The following VWA5B1 variants were observed in gnomAD, a reference collection of about 807,000 sequenced individuals.
VWA5B1 encodes von Willebrand factor A domain containing 5B1.
A neutral mutation model predicts 118.2 loss-of-function variants in VWA5B1; 115 were observed. The observed-to-expected ratio is 0.97, with a 90% CI of 0.84 to 1.14. The LOEUF is 1.14. VWA5B1 is among the 50% of genes most tolerant of loss of function. The pLI is 0.00. For synonymous variants in VWA5B1, 682 were observed against 658.4 expected (o/e 1.04, Z -0.55); for missense variants, 1,596 against 1,603.8 (o/e 1.00, Z 0.08).
intron 1 of VWA5B1, among the ~76,000 whole-genome samples, chr1:20,297,602 A>C (rs2088430187): frequency 6.6e-6 from 1 of 152,354 alleles, no homozygotes; most frequent in East Asian, 1.9e-4. Context: ...GAATACTTAT[A>C]GGAAATAGGG....
At position 20,345,468 on chromosome 1, in the gene VWA5B1, G is replaced by A. The variant is rs11582960; in HGVS notation, c.2639G>A (p.Arg880His). ...TCTCCCTCCACAGGGTCCAACCGCC[G>A]CTACCAAGTGAGCGCCTTGCACACC... ...EGEIEQGSNR[R>H]YQVSALHTSK... The change falls in exon 17 of 22, where the codon CGC (arginine) becomes CAC (histidine). Residue 880 changes from arginine to histidine, a missense_variant. Arg to His is a conservative substitution (Grantham distance 29, BLOSUM62 0). Transcript: ENST00000289815. The A allele has an allele frequency of 0.33, 509,097 of 1,550,742 alleles. 84,741 individuals carry two copies. The highest frequency in any genetic ancestry group is 0.39 in the East Asian group (16,117 of 40,884).
chr1:20,328,005 T>C lies in VWA5B1; in HGVS notation c.1254+5T>C. On this transcript the variant is annotated splice_donor_5th_base_variant and intron_variant, in intron 9 of 21. Transcript: ENST00000289815. ...TCCAGCCAGACCTACAGTGAGGTAA[T>C]GAGGGGGCAAGGCTGGGACCAGGAG... 1 of 1,550,796 alleles carries C rather than the reference T, an allele frequency of 6.4e-7. No homozygotes were observed.
intron 1 of VWA5B1, among the ~76,000 whole-genome samples, chr1:20,298,006 T>TG (rs944647535): frequency 2.0e-5 from 3 of 149,210 alleles, no homozygotes; most frequent in African/African-American, 7.5e-5. Flanking sequence ...ATTTTTTTTT[T>TG]TTTTTTTTTT....
At chr1:20,334,357 A>G (rs1336500960) in intron 12 of VWA5B1, among the ~76,000 whole-genome samples, 2 of 152,180 alleles carry the variant, frequency 1.3e-5, no homozygotes, top group African/African-American at 4.8e-5. Flanking sequence ...CTCCCACTAG[A>G]AGGGACTGGA....
intron 10 of VWA5B1, among the ~76,000 whole-genome samples, chr1:20,330,587 C>T (rs2089520821): frequency 6.6e-6 from 1 of 152,240 alleles, no homozygotes; most frequent in South Asian, 2.1e-4. Context: ...ACCCATGCCT[C>T]TGCACACGAC....
intron 15 of VWA5B1, 91 bp downstream of exon 15, chr1:20,342,700 T>C: frequency 7.2e-7 from 1 of 1,391,124 alleles, no homozygotes. Context: ...AGAGGGCAGA[T>C]GCCTGGGTCT....
intron 1 of VWA5B1, among the ~76,000 whole-genome samples, chr1:20,291,709 G>C (rs1471795098): frequency 6.6e-6 from 1 of 152,100 alleles, no homozygotes; most frequent in African/African-American, 2.4e-5. Context: ...CCCGCAGCTT[G>C]TGACCATCCC....
At chr1:20,305,477 A>G (rs1308459807) in intron 1 of VWA5B1, among the ~76,000 whole-genome samples, 1 of 152,128 alleles carries the variant, frequency 6.6e-6, no homozygotes, top group Non-Finnish European at 1.5e-5. Flanking sequence ...AAGGCAAGCC[A>G]CAAGGATGGG....
At chr1:20,317,450 C>G in intron 4 of VWA5B1, 80 bp from the exon 5 acceptor site, 1 of 1,499,396 alleles carries the variant, frequency 6.7e-7, no homozygotes, top group Non-Finnish European at 8.9e-7. Flanking sequence ...TGGAACTCAT[C>G]GTCCTCTCCT....
At chr1:20,312,383 C>T (rs1027367058) in intron 2 of VWA5B1, among the ~76,000 whole-genome samples, 1 of 152,184 alleles carries the variant, frequency 6.6e-6, no homozygotes, top group African/African-American at 2.4e-5. Context: ...TGCCAGGAGG[C>T]CTAGAGAAGC....
rs540315429 is a variant in VWA5B1 at position 20,338,234 on chromosome 1, C to T, written c.2133+398C>T. ...AGCCAGTCAGAGGATTGTAACCTGT[C>T]TGACCTTTGAAGGACCCCCTGCCTT... On this transcript the variant is annotated intron_variant, in intron 14 of 21. Transcript: ENST00000289815. 2.6e-3 allele frequency: 976 copies of T among 374,292 alleles called. 3 individuals are homozygous for T. Among genetic ancestry groups the T allele is most frequent in the Non-Finnish European group, 4.2e-3 (793 of 190,546 alleles). 23.2% of individuals were successfully genotyped at this position (374,292 alleles called of 1,614,324 possible).
At chr1:20,326,901 T>A (rs1226872835) in intron 8 of VWA5B1, among the ~76,000 whole-genome samples, 10 of 152,212 alleles carry the variant, frequency 6.6e-5, no homozygotes, top group African/African-American at 2.4e-4. Flanking sequence ...AACCATTTGC[T>A]GAATGTTTAC....
intron 7 of VWA5B1, among the ~76,000 whole-genome samples, chr1:20,321,315 G>A (rs867168963): frequency 3.9e-5 from 6 of 152,156 alleles, no homozygotes; most frequent in African/African-American, 9.7e-5. Context: ...GGCCGGGCGC[G>A]GTGGCTTACC....
chr1:20,332,544 T>TAAAATAAAATAAA (rs2089598168), intron 11 of VWA5B1, among the ~76,000 whole-genome samples: 5 of 141,798 alleles, frequency 3.5e-5, no homozygotes, highest in Admixed American at 2.1e-4. Flanking sequence ...TAAAATAAAA[T>TAAAATAAAATAAA]AAAATGCTAA....
chr1:20,301,997 T>C (rs560641043), intron 1 of VWA5B1, among the ~76,000 whole-genome samples: 24 of 152,314 alleles, frequency 1.6e-4, no homozygotes, highest in Non-Finnish European at 2.9e-4. Flanking sequence ...TTTCACACGC[T>C]TAGCCCAGAT....
At chr1:20,299,967 G>A (rs1007548833) in intron 1 of VWA5B1, among the ~76,000 whole-genome samples, 1 of 152,216 alleles carries the variant, frequency 6.6e-6, no homozygotes, top group Non-Finnish European at 1.5e-5. Context: ...CAGCTGGCTG[G>A]CAGGTGCACT....
intron 14 of VWA5B1, among the ~76,000 whole-genome samples, chr1:20,339,499 G>C (rs965710789): frequency 6.6e-6 from 1 of 152,158 alleles, no homozygotes; most frequent in African/African-American, 2.4e-5. Context: ...CTGGGTTGAT[G>C]CCACTGCACT....
chr1:20,358,885 G>A lies in VWA5B1; in HGVS notation c.*4622G>A, dbSNP rs902681580. ...ATTTTGCAGCTGGGTAATCTGATCCGCAGAGATCTGTCCAAGGTCAGGGGC... is the reference window on the plus strand; with the variant it reads ...ATTTTGCAGCTGGGTAATCTGATCCACAGAGATCTGTCCAAGGTCAGGGGC... On this transcript the variant is annotated 3_prime_UTR_variant, in exon 22 of 22. Transcript: ENST00000289815. Among the ~76,000 whole-genome samples the A allele has an allele frequency of 2.0e-5, 3 of 152,170 alleles. No individual in the cohort carries two copies. The highest frequency in any genetic ancestry group is 1.3e-4 in the Admixed American group (2 of 15,282).
intron 1 of VWA5B1, among the ~76,000 whole-genome samples, chr1:20,301,962 C>T (rs962721010): frequency 6.6e-6 from 1 of 152,188 alleles, no homozygotes; most frequent in East Asian, 1.9e-4. Context: ...ACCACTTCCT[C>T]GTTGATCTAA....
Sources: gnomAD v4.1 joint callset for allele counts (sites outside exome capture counted in the v4.1 genomes callset) on GRCh38, gnomAD v4.1.1 for gene constraint, MANE v1.5 for transcripts, NCBI Gene and HGNC (gene_info 2026-07-23, HGNC 2026-07-21) for gene names.